The following PAX7 variants were observed in gnomAD, a reference collection of about 807,000 sequenced individuals.
The protein encoded by PAX7 is paired box protein Pax-7.
A neutral mutation model predicts 50.7 loss-of-function variants in PAX7; 18 were observed. The observed-to-expected ratio is 0.36, with a 90% CI of 0.25 to 0.53. The LOEUF is 0.53. PAX7 is among the 20% of genes least tolerant of loss of function. The pLI is 0.93. For synonymous variants in PAX7, 310 were observed against 290.4 expected (o/e 1.07, Z -0.69); for missense variants, 644 against 702.9 (o/e 0.92, Z 0.95).
intron 8 of PAX7, among the ~76,000 whole-genome samples, chr1:18,742,493 G>A (rs567817560): frequency 1.3e-4 from 20 of 152,316 alleles, no homozygotes; most frequent in African/African-American, 3.4e-4. Flanking sequence ...ACTGGAGCCC[G>A]GGTAAGGCAG....
At chr1:18,665,056 G>A (rs1019810807) in intron 4 of PAX7, among the ~76,000 whole-genome samples, 13 of 152,176 alleles carry the variant, frequency 8.5e-5, no homozygotes, top group Non-Finnish European at 1.2e-4. Flanking sequence ...GTCTGCTCAC[G>A]TGCAATATAG....
rs1403001294 is a variant in PAX7, at chr1:18,746,975, C to G, written c.*2046C>G. The G allele has an allele frequency of 1.3e-5, 3 of 231,294 alleles. No individual in the cohort carries two copies. Among genetic ancestry groups the G allele is most frequent in the African/African-American group, 4.4e-5 (2 of 45,246 alleles). 14.3% of individuals were successfully genotyped at this position (231,294 alleles called of 1,614,324 possible). On this transcript the variant is annotated 3_prime_UTR_variant, in exon 9 of 9. Transcript: ENST00000420770. ...ACCAAGGTTGCAACTGGAGCGTCCA[C>G]TGCCAGAGACCTTTGGCTCTTCAAG...
At chr1:18,718,354 G>C (rs1396458021) in intron 7 of PAX7, among the ~76,000 whole-genome samples, 1 of 152,188 alleles carries the variant, frequency 6.6e-6, no homozygotes, top group African/African-American at 2.4e-5. Context: ...GATTGAGCTA[G>C]AGTCAGTGGT....
chr1:18,724,854 A>G (rs1026552007), intron 7 of PAX7, among the ~76,000 whole-genome samples: 3 of 152,214 alleles, frequency 2.0e-5, no homozygotes, highest in Non-Finnish European at 4.4e-5. Context: ...GAAGATGGGA[A>G]CAAAAGCTTT....
chr1:18,675,935 G>C (rs967397198), intron 4 of PAX7, among the ~76,000 whole-genome samples: 1 of 152,130 alleles, frequency 6.6e-6, no homozygotes, highest in African/African-American at 2.4e-5. Flanking sequence ...CCTCCCATCT[G>C]CCCACCAGCA....
At chr1:18,725,274 C>T (rs1403363248) in intron 7 of PAX7, among the ~76,000 whole-genome samples, 3 of 149,982 alleles carry the variant, frequency 2.0e-5, no homozygotes, top group East Asian at 2.0e-4. Flanking sequence ...TCTGCATCCT[C>T]GTCTCCACCA....
intron 4 of PAX7, among the ~76,000 whole-genome samples, chr1:18,664,274 G>A (rs1015827214): frequency 9.2e-5 from 14 of 152,380 alleles, no homozygotes; most frequent in Admixed American, 7.8e-4. Flanking sequence ...CCTTTTGTTG[G>A]AAAGATGATC....
intron 4 of PAX7, among the ~76,000 whole-genome samples, chr1:18,661,477 T>A (rs750956985): frequency 2.4e-4 from 37 of 152,208 alleles, no homozygotes; most frequent in Non-Finnish European, 4.0e-4. Context: ...AGGATCGAAC[T>A]GGCCTTTCCC....
intron 4 of PAX7, among the ~76,000 whole-genome samples, chr1:18,682,564 C>T (rs182927929): frequency 1.3e-5 from 2 of 152,250 alleles, no homozygotes; most frequent in East Asian, 3.9e-4. Context: ...CTGAAGTGGG[C>T]GGGACTCCAG....
At chr1:18,708,885 A>C (rs1383207130) in intron 7 of PAX7, among the ~76,000 whole-genome samples, 1 of 152,178 alleles carries the variant, frequency 6.6e-6, no homozygotes, top group Non-Finnish European at 1.5e-5. Context: ...CAGAGCTCCA[A>C]GAGACAGGTG....
Position 18,632,798 on chromosome 1 carries a change from A to T in PAX7, c.85+1110A>T, listed in dbSNP as rs1245425520. 6.6e-6 allele frequency among the ~76,000 whole-genome samples: 1 copy of T among 152,122 alleles called. No homozygotes were observed. Among genetic ancestry groups the T allele is most frequent in the South Asian group, 2.1e-4 (1 of 4,832 alleles). ...ACGGCGCCGGGTCCCTGAATTAGAC[A>T]GAGGCGAAGAGAGCGGCTCCGTGAT... On this transcript the variant is annotated intron_variant, in intron 1 of 8. Transcript: ENST00000420770. This position sits in a 1 kb window ranked among gnomAD's most constrained non-coding sequence, Gnocchi z 6.3.
intron 4 of PAX7, among the ~76,000 whole-genome samples, chr1:18,648,786 A>T (rs1435489973): frequency 6.6e-6 from 1 of 152,166 alleles, no homozygotes; most frequent in Admixed American, 6.5e-5. Context: ...AGGATATTTC[A>T]GTAGGGGACT....
intron 6 of PAX7, among the ~76,000 whole-genome samples, chr1:18,702,264 G>A (rs1042569647): frequency 1.1e-4 from 16 of 152,210 alleles, no homozygotes; most frequent in African/African-American, 3.1e-4. Context: ...GCTTGAACCC[G>A]GGAGGCGGAG....
chr1:18,716,856 T>C (rs867288376), intron 7 of PAX7, among the ~76,000 whole-genome samples: 1 of 136,730 alleles, frequency 7.3e-6, no homozygotes, highest in Non-Finnish European at 1.5e-5. Flanking sequence ...CCCTTGCCCT[T>C]GCCCTCTCCC....
chr1:18,730,938 G>A (rs942233497), intron 7 of PAX7, among the ~76,000 whole-genome samples: 4 of 151,824 alleles, frequency 2.6e-5, no homozygotes, highest in Non-Finnish European at 5.9e-5. Flanking sequence ...CGGGTGGGGG[G>A]AAATGGAGGA....
intron 4 of PAX7, among the ~76,000 whole-genome samples, chr1:18,654,794 C>T (rs1357745539): frequency 6.6e-6 from 1 of 152,206 alleles, no homozygotes; most frequent in Non-Finnish European, 1.5e-5. Flanking sequence ...ACAGGTTTTA[C>T]TAATCCCATT....
chr1:18,684,067 C>G (rs760006867), intron 4 of PAX7, among the ~76,000 whole-genome samples: 2 of 152,178 alleles, frequency 1.3e-5, no homozygotes, highest in African/African-American at 2.4e-5. Flanking sequence ...TGGCCTGACC[C>G]GCTGCAAACT....
At chr1:18,705,929 G>A (rs764930434) in intron 7 of PAX7, among the ~76,000 whole-genome samples, 2 of 152,230 alleles carry the variant, frequency 1.3e-5, no homozygotes, top group South Asian at 4.1e-4. Flanking sequence ...TCTGACCGGG[G>A]CAGAGGGGAC....
At chr1:18,654,853 G>C (rs1253248002) in intron 4 of PAX7, among the ~76,000 whole-genome samples, 4 of 152,166 alleles carry the variant, frequency 2.6e-5, no homozygotes, top group Non-Finnish European at 5.9e-5. Flanking sequence ...ACTTGCCTGA[G>C]ATCACAGGGC....
Sources: allele counts gnomAD v4.1 joint callset (sites outside exome capture counted in the v4.1 genomes callset), GRCh38; gene constraint gnomAD v4.1.1; non-coding constraint Gnocchi (gnomAD v3.1); transcripts MANE v1.5; gene names NCBI Gene and HGNC (gene_info 2026-07-23, HGNC 2026-07-21).